Variants in SRBD1 observed in about 807,000 individuals in gnomAD.
The protein encoded by SRBD1 is S1 RNA binding domain 1.
In SRBD1, 88 loss-of-function variants were observed where a neutral mutation model predicts 115.3. The observed-to-expected ratio is 0.76, with a 90% CI of 0.64 to 0.91. SRBD1 has a LOEUF of 0.91. Among genes scored for constraint, SRBD1 ranks in the 40% least tolerant of loss-of-function variants. The pLI is 0.00. For missense variants in SRBD1, 1,385 were observed against 1,177.4 expected, an observed-to-expected ratio of 1.18 and a Z score of -2.58; for synonymous variants, 509 against 407.7, an observed-to-expected ratio of 1.25 and a Z score of -2.99.
intron 9 of SRBD1, among the ~76,000 whole-genome samples, chr2:45,571,517 CAAA>C (rs58100763): frequency 0.12 from 4,866 of 39,228 alleles, 184 homozygotes; most frequent in African/African-American, 0.26. Flanking sequence ...CAGACTTTAC[CAAA>C]AAAAAAAAAA....
At chr2:45,529,707 G>T (rs149709877) in intron 14 of SRBD1, among the ~76,000 whole-genome samples, 47 of 151,954 alleles carry the variant, frequency 3.1e-4, no homozygotes, top group Non-Finnish European at 4.9e-4. Flanking sequence ...TAGGAGAGAA[G>T]AGAAGAAAGA....
In SRBD1 at chr2:45,413,101, G is replaced by A. The variant is rs2103857503; in HGVS notation, c.2513+13C>T. The stretch of plus-strand genomic sequence containing the variant: ...CTGCATATGGAGAATTCCCACATGG[G>A]CCTCAGACTTACCTCATTGCTATGT... On this transcript the variant is annotated intron_variant, in intron 19 of 20. Coordinates refer to ENST00000263736, the MANE Select transcript of SRBD1 (RefSeq NM_018079.5). 1 of 1,609,142 alleles carries A rather than the reference G, an allele frequency of 6.2e-7. No individual in the cohort carries two copies. The highest frequency in any genetic ancestry group is 1.1e-5 in the South Asian group (1 of 90,040).
chr2:45,580,676 CTTTTTTT>C (rs369067711), intron 6 of SRBD1, among the ~76,000 whole-genome samples: 13 of 76,350 alleles, frequency 1.7e-4, no homozygotes, highest in South Asian at 1.4e-3. Flanking sequence ...TCTTCTACTT[CTTTTTTT>C]TTTTTTTTTT....
At chr2:45,415,970 T>C (rs1667820207) in intron 18 of SRBD1, among the ~76,000 whole-genome samples, 1 of 152,022 alleles carries the variant, frequency 6.6e-6, no homozygotes, top group South Asian at 2.1e-4. Flanking sequence ...TTAAGGATGA[T>C]CATAAGAATA....
At chr2:45,599,190 C>T (rs150589501) in intron 4 of SRBD1, among the ~76,000 whole-genome samples, 62 of 152,230 alleles carry the variant, frequency 4.1e-4, no homozygotes, top group African/African-American at 1.5e-3. Context: ...TACAATCTGT[C>T]TATATAGTTT....
chr2:45,583,213 TA>T (rs57312291), intron 5 of SRBD1, among the ~76,000 whole-genome samples: 43,180 of 145,722 alleles, frequency 0.3, 7,670 homozygotes, highest in African/African-American at 0.51. Context: ...ACTTGTAAAT[TA>T]AAAAAAAAAA....
At chr2:45,518,212 A>G (rs1671178146) in intron 14 of SRBD1, among the ~76,000 whole-genome samples, 1 of 152,114 alleles carries the variant, frequency 6.6e-6, no homozygotes, top group Admixed American at 6.6e-5. Context: ...AGGTAGAAAA[A>G]CTGAAAGTAA....
Position 45,389,215 on chromosome 2 carries a change from C to T in SRBD1, c.*95G>A, listed in dbSNP as rs1459260287. 3.6e-6 allele frequency: 5 copies of T among 1,371,488 alleles called. No homozygotes were observed. The highest frequency in any genetic ancestry group is 5.0e-6 in the Non-Finnish European group (5 of 1,007,932). The allele number at this position is 1,371,488 out of a possible 1,614,324, so 85.0% of individuals were successfully genotyped here. The stretch of plus-strand genomic sequence containing the variant: ...ATTTCTGATATTAAGTGAATTATTT[C>T]TCATCTGCTACCTAGAGTTTACAAA... On this transcript the variant is annotated 3_prime_UTR_variant, in exon 21 of 21. Transcript: ENST00000263736.
At chr2:45,476,472 T>C (rs1198412514) in intron 16 of SRBD1, among the ~76,000 whole-genome samples, 2 of 152,230 alleles carry the variant, frequency 1.3e-5, no homozygotes, top group African/African-American at 2.4e-5. Flanking sequence ...ACCATTTTGC[T>C]ATCACCATAA....
chr2:45,519,674 C>G (rs577935781), intron 14 of SRBD1, among the ~76,000 whole-genome samples: 2 of 152,102 alleles, frequency 1.3e-5, no homozygotes, highest in Non-Finnish European at 1.5e-5. Context: ...CAGGCACATA[C>G]ATTATGTGAT....
chr2:45,531,776 T>C (rs368761937), intron 14 of SRBD1, among the ~76,000 whole-genome samples: 2 of 151,818 alleles, frequency 1.3e-5, no homozygotes, highest in African/African-American at 2.4e-5. Context: ...CCGTAATACA[T>C]ATGGCAAGCC....
intron 14 of SRBD1, among the ~76,000 whole-genome samples, chr2:45,518,390 T>C (rs1021574970): frequency 2.0e-5 from 3 of 152,240 alleles, no homozygotes; most frequent in Non-Finnish European, 4.4e-5. Flanking sequence ...TATGAGATTA[T>C]TTTGAGCAGA....
At chr2:45,456,080 C>CTAAAT in intron 16 of SRBD1, among the ~76,000 whole-genome samples, 1 of 151,650 alleles carries the variant, frequency 6.6e-6, no homozygotes. Flanking sequence ...AAAAGAAAAG[C>CTAAAT]TAAATTTGGT....
At chr2:45,434,478 T>A (rs1007309129) in intron 16 of SRBD1, among the ~76,000 whole-genome samples, 1 of 152,144 alleles carries the variant, frequency 6.6e-6, no homozygotes, top group African/African-American at 2.4e-5. Flanking sequence ...GGCAAACAAT[T>A]TTTTTTTGCA....
chr2:45,540,599 G>GA (rs1234266657), intron 14 of SRBD1, among the ~76,000 whole-genome samples: 2 of 152,068 alleles, frequency 1.3e-5, no homozygotes, highest in African/African-American at 4.8e-5. Context: ...CACAGACTGG[G>GA]AAAAAATGTT....
rs553485372 is a variant in SRBD1 at position 45,515,269 on chromosome 2, G to T, written c.1875-26938C>A. On this transcript the variant is annotated intron_variant, in intron 14 of 20. Transcript: ENST00000263736. ...TGTATTAATTTCTTTAACTATCACA[G>T]CAAACCTATTATTATCCCATATAGT... Among the ~76,000 whole-genome samples, 84 of 152,214 alleles carry T rather than the reference G, an allele frequency of 5.5e-4. No individual in the cohort carries two copies. The South Asian group carries it at 7.1e-3, about 13-fold the overall frequency.
intron 3 of SRBD1, among the ~76,000 whole-genome samples, chr2:45,600,522 C>T (rs980222393): frequency 6.6e-6 from 1 of 152,220 alleles, no homozygotes; most frequent in Non-Finnish European, 1.5e-5. Flanking sequence ...ACAGGCTACA[C>T]ATGCCACCAA....
At chr2:45,517,051 T>C (rs1204203110) in intron 14 of SRBD1, among the ~76,000 whole-genome samples, 1 of 152,168 alleles carries the variant, frequency 6.6e-6, no homozygotes, top group African/African-American at 2.4e-5. Flanking sequence ...TACATAGCAA[T>C]GTTATAGCAA....
At chr2:45,555,408 C>T (rs1287757509) in intron 10 of SRBD1, among the ~76,000 whole-genome samples, 7 of 151,858 alleles carry the variant, frequency 4.6e-5, no homozygotes, top group Admixed American at 2.6e-4. Flanking sequence ...ACAAAAAAAA[C>T]CCAGCCCAGA....
Sources: allele counts gnomAD v4.1 joint callset (sites outside exome capture counted in the v4.1 genomes callset), GRCh38; gene constraint gnomAD v4.1.1; transcripts MANE v1.5; gene names NCBI Gene and HGNC (gene_info 2026-07-23, HGNC 2026-07-21).